CPT1A: variants seen among roughly 807,000 people sequenced by gnomAD.
The protein encoded by CPT1A is carnitine palmitoyltransferase 1A.
CPT1A carries 64 observed loss-of-function variants against 100.8 expected under a neutral mutation model. The observed-to-expected ratio is 0.63, with a 90% CI of 0.52 to 0.78. The LOEUF (loss-of-function observed/expected upper bound fraction) is 0.78. Among genes scored for constraint, CPT1A ranks in the 30% least tolerant of loss-of-function variants. The pLI, the probability that CPT1A is intolerant of heterozygous loss-of-function variation, is 0.00. For missense variants in CPT1A, 802 were observed against 1,034.1 expected (o/e 0.78, Z 3.08); for synonymous variants, 363 against 396.0 (o/e 0.92, Z 0.99).
chr11:68,774,801 A>T (rs1404779899), intron 13 of CPT1A, among the ~76,000 whole-genome samples: 1 of 150,044 alleles, frequency 6.7e-6, no homozygotes, highest in Non-Finnish European at 1.5e-5. Flanking sequence ...AAAAAAAAAG[A>T]AAAAGAAAAT....
At chr11:68,834,369 G>A (rs1043205767) in intron 1 of CPT1A, among the ~76,000 whole-genome samples, 1 of 152,214 alleles carries the variant, frequency 6.6e-6, no homozygotes, top group Non-Finnish European at 1.5e-5. Context: ...CCGGGAGGCA[G>A]AGGTTGCAGT....
At chr11:68,824,575 G>GT (rs1040219241) in intron 1 of CPT1A, among the ~76,000 whole-genome samples, 3 of 152,158 alleles carry the variant, frequency 2.0e-5, no homozygotes, top group Non-Finnish European at 4.4e-5. Flanking sequence ...TTGTGGTTAT[G>GT]TTTTTTAAGA....
rs576634607 is a variant in CPT1A at position 68,794,646 on chromosome 11, G to A, written c.879+158C>T. Among the ~76,000 whole-genome samples the A allele has an allele frequency of 6.0e-4, 91 of 152,332 alleles. 1 individual carries two copies. In the South Asian group the frequency reaches 0.018, roughly 30 times the overall value. ...GGCTGGTCTTGAACTGCTAACCTCAGATGATCCGCCTGCTTTGGCCTCCCA... is the reference window on the plus strand; with the variant it reads ...GGCTGGTCTTGAACTGCTAACCTCAAATGATCCGCCTGCTTTGGCCTCCCA... On this transcript the variant is annotated intron_variant, in intron 8 of 18. Transcript: ENST00000265641.
chr11:68,782,381 A>G (rs1855337470), intron 10 of CPT1A, among the ~76,000 whole-genome samples: 1 of 152,158 alleles, frequency 6.6e-6, no homozygotes, highest in African/African-American at 2.4e-5. Context: ...GCTCTGCTCC[A>G]AACCTTTTCT....
intron 1 of CPT1A, among the ~76,000 whole-genome samples, chr11:68,820,594 A>T (rs1205241013): frequency 6.6e-6 from 1 of 152,000 alleles, no homozygotes; most frequent in African/African-American, 2.4e-5. Context: ...GAGGCAGGAG[A>T]ATTGCCTGAA....
At chr11:68,839,509 TC>T in intron 1 of CPT1A, 1 of 985,222 alleles carries the variant, frequency 1.0e-6, no homozygotes, top group Non-Finnish European at 1.2e-6. Context: ...TTGGCGCGCG[TC>T]CCTGTGGCCA....
chr11:68,836,716 G>T (rs1307207665), intron 1 of CPT1A, among the ~76,000 whole-genome samples: 1 of 151,282 alleles, frequency 6.6e-6, no homozygotes, highest in African/African-American at 2.4e-5. Context: ...AGGCTGCAGT[G>T]AGCCGAGATC....
chr11:68,831,647 T>TTTTTTGAGACAAAG (rs1856883791), intron 1 of CPT1A, among the ~76,000 whole-genome samples: 1 of 151,758 alleles, frequency 6.6e-6, no homozygotes, highest in African/African-American at 2.4e-5. Flanking sequence ...CTTTTTTTTT[T>TTTTTTGAGACAAAG]TTTTGAGACG....
chr11:68,785,610 TA>T (rs11376032), intron 9 of CPT1A: 18 of 122,300 alleles, frequency 1.5e-4, no homozygotes, highest in South Asian at 9.7e-4. Flanking sequence ...ATATTATCAT[TA>T]AAAAAAAAAA....
chr11:68,775,978 C>T lies in CPT1A; in HGVS notation c.1459-546G>A, dbSNP rs376790928. Among the ~76,000 whole-genome samples the T allele has an allele frequency of 2.4e-4, 37 of 152,256 alleles. No homozygotes were observed. The East Asian group carries it at 6.7e-3, about 28-fold the overall frequency. ...CCAAAGAGTGGAAACAACACAAATGCCCATCAACTGATGAAGAGATAAACA... is the reference window on the plus strand; with the variant it reads ...CCAAAGAGTGGAAACAACACAAATGTCCATCAACTGATGAAGAGATAAACA... On this transcript the variant is annotated intron_variant, in intron 12 of 18. Coordinates refer to ENST00000265641, the MANE Select transcript of CPT1A (RefSeq NM_001876.4).
chr11:68,780,116 G>T (rs577733784), intron 12 of CPT1A, among the ~76,000 whole-genome samples: 2 of 152,296 alleles, frequency 1.3e-5, no homozygotes, highest in African/African-American at 2.4e-5. Context: ...GGAGATGGCA[G>T]GAGATGCACT....
rs750569368 is a variant in CPT1A, at chr11:68,755,710, C to CTTTTTTTTTTTTTTTTTTT, written c.*1933_*1934insAAAAAAAAAAAAAAAAAAA. On this transcript the variant is annotated 3_prime_UTR_variant, in exon 19 of 19. Coordinates refer to ENST00000265641, the MANE Select transcript of CPT1A (RefSeq NM_001876.4). The stretch of plus-strand genomic sequence containing the variant: ...ACGCATGAGCCACCGCGCCTGGACG[C>CTTTTTTTTTTTTTTTTTTT]TTTTTTTTTTTTTTTTGTCTTTTGT... The CTTTTTTTTTTTTTTTTTTT allele has an allele frequency of 2.7e-5, 3 of 111,146 alleles. No individual in the cohort carries two copies. The highest frequency in any genetic ancestry group is 9.5e-5 in the Admixed American group (1 of 10,570). 6.9% of individuals were successfully genotyped at this position (111,146 alleles called of 1,614,324 possible). A position where few individuals can be genotyped will look rare whatever the true frequency, so the allele number is the denominator to read the frequency against.
rs1034760579 is a variant in CPT1A at position 68,796,886 on chromosome 11, C to T, written c.741G>A (p.Pro247=). The T allele has an allele frequency of 6.8e-6, 11 of 1,613,936 alleles. No homozygotes were observed. In the African/African-American group the frequency reaches 9.3e-5, roughly 14 times the overall value. ...CATAATAGTTGCTGTTCACCATGAG[C>T]GGCCCTCGTCCTCGGAGGTAGATGT... The part of the protein sequence containing the change: ...EEYIYLRGRG[P]LMVNSNYYAM... Residue 247 remains proline, a synonymous_variant, in exon 7 of 19, where the codon CCG becomes CCA. Transcript: ENST00000265641.
intron 1 of CPT1A, among the ~76,000 whole-genome samples, chr11:68,839,179 A>T (rs1857096964): frequency 6.6e-6 from 1 of 152,218 alleles, no homozygotes; most frequent in Admixed American, 6.5e-5. Flanking sequence ...AAAGGAAAAA[A>T]TGCAAACGAT....
Position 68,841,850 on chromosome 11 carries a change from G to T in CPT1A, c.-89C>A. The T allele has an allele frequency of 1.0e-6, 1 of 994,528 alleles. No homozygotes were observed. The highest frequency in any genetic ancestry group is 1.2e-6 in the Non-Finnish European group (1 of 838,096). 61.6% of individuals were successfully genotyped at this position (994,528 alleles called of 1,614,324 possible). Reference sequence around the variant, plus strand: ...GGCGGCGGTGGAGTGAACGAGCGGCGAGCGGGAGCCGGGGAAGGAGGGCCG... The same window carrying T: ...GGCGGCGGTGGAGTGAACGAGCGGCTAGCGGGAGCCGGGGAAGGAGGGCCG... On this transcript the variant is annotated 5_prime_UTR_variant, in exon 1 of 19. Transcript: ENST00000265641. This position sits in a 1 kb window ranked among gnomAD's most constrained non-coding sequence, Gnocchi z 6.3.
chr11:68,821,433 G>GT (rs894738986), intron 1 of CPT1A, among the ~76,000 whole-genome samples: 1 of 151,990 alleles, frequency 6.6e-6, no homozygotes, highest in Non-Finnish European at 1.5e-5. Context: ...GATTACAGGC[G>GT]TGAGCCACCG....
intron 9 of CPT1A, among the ~76,000 whole-genome samples, chr11:68,790,263 GT>G (rs1286843951): frequency 6.6e-6 from 1 of 151,956 alleles, no homozygotes; most frequent in African/African-American, 2.4e-5. Context: ...TAGAGATGGG[GT>G]TTTGCCATGT....
chr11:68,814,408 G>A (rs1267697158), intron 2 of CPT1A, among the ~76,000 whole-genome samples: 1 of 151,976 alleles, frequency 6.6e-6, no homozygotes, highest in Non-Finnish European at 1.5e-5. Flanking sequence ...CCGGGTTCGT[G>A]CCATTCTCCT....
chr11:68,825,508 G>A (rs1223883719), intron 1 of CPT1A, among the ~76,000 whole-genome samples: 1 of 152,128 alleles, frequency 6.6e-6, no homozygotes, highest in Non-Finnish European at 1.5e-5. Context: ...GTGGAAAGTT[G>A]GCCATGCCCA....
Sources: gnomAD v4.1 joint callset for allele counts (sites outside exome capture counted in the v4.1 genomes callset) on GRCh38, gnomAD v4.1.1 for gene constraint, Gnocchi (gnomAD v3.1) non-coding constraint, MANE v1.5 for transcripts, NCBI Gene and HGNC (gene_info 2026-07-23, HGNC 2026-07-21) for gene names.